Variants in LIMCH1 observed in about 807,000 individuals in gnomAD.
LIMCH1 encodes the protein LIM and calponin homology domains 1.
LIMCH1 carries 113 observed loss-of-function variants against 176.5 expected under a neutral mutation model. The observed-to-expected ratio is 0.64, with a 90% CI of 0.55 to 0.75. The LOEUF (loss-of-function observed/expected upper bound fraction) is 0.75. LIMCH1 is among the 30% of genes least tolerant of loss of function. The pLI, the probability that LIMCH1 is intolerant of heterozygous loss-of-function variation, is 0.00. For missense variants in LIMCH1, 1,674 were observed against 1,814.9 expected (o/e 0.92, Z 1.41); for synonymous variants, 619 against 645.9 (o/e 0.96, Z 0.63).
At chr4:41,463,471 A>G (rs1263528928) in intron 1 of LIMCH1, among the ~76,000 whole-genome samples, 3 of 152,168 alleles carry the variant, frequency 2.0e-5, no homozygotes, top group Non-Finnish European at 1.5e-5. Context: ...TATGACTCCT[A>G]GTCAATTGTG....
At chr4:41,612,579 A>T (rs1339860097) in intron 4 of LIMCH1, 1 of 702,626 alleles carries the variant, frequency 1.4e-6, no homozygotes. Flanking sequence ...ACTGGCGGGA[A>T]CAAGGCTTTT....
chr4:41,666,756 T>C, intron 21 of LIMCH1, 90 bp downstream of exon 21: 1 of 834,090 alleles, frequency 1.2e-6, no homozygotes, highest in Non-Finnish European at 2.0e-6. Context: ...TTACGTCCTT[T>C]ATGTTGCTAT....
intron 1 of LIMCH1, among the ~76,000 whole-genome samples, chr4:41,372,405 T>C (rs1241882849): frequency 1.3e-5 from 2 of 152,204 alleles, no homozygotes; most frequent in Non-Finnish European, 2.9e-5. Context: ...TACAAGGTTT[T>C]TGGCTGGCTG....
At chr4:41,691,303 C>T (rs1196122065) in intron 30 of LIMCH1, among the ~76,000 whole-genome samples, 3 of 152,180 alleles carry the variant, frequency 2.0e-5, no homozygotes, top group Non-Finnish European at 2.9e-5. Context: ...AAGAGGCTGG[C>T]ACCCACACCA....
At chr4:41,439,931 G>A (rs1258878850) in intron 1 of LIMCH1, among the ~76,000 whole-genome samples, 1 of 151,928 alleles carries the variant, frequency 6.6e-6, no homozygotes, top group Non-Finnish European at 1.5e-5. Flanking sequence ...AAAAGGAGGA[G>A]GGCAACATCC....
chr4:41,558,568 T>A (rs1157484378), intron 1 of LIMCH1, among the ~76,000 whole-genome samples: 1 of 152,098 alleles, frequency 6.6e-6, no homozygotes, highest in Non-Finnish European at 1.5e-5. Context: ...CCTTCCCTCA[T>A]CAGAGAAGAG....
chr4:41,556,699 T>C (rs1038695438), intron 1 of LIMCH1, among the ~76,000 whole-genome samples: 6 of 152,132 alleles, frequency 3.9e-5, no homozygotes, highest in Non-Finnish European at 1.5e-5. Flanking sequence ...CCATCTGACT[T>C]TGAATTCCTG....
chr4:41,520,431 C>T (rs544318840), intron 2 of LIMCH1, among the ~76,000 whole-genome samples: 1 of 152,312 alleles, frequency 6.6e-6, no homozygotes, highest in Non-Finnish European at 1.5e-5. Context: ...ACCTCCCTAG[C>T]AGCCTTCAGA....
At chr4:41,398,032 A>C (rs1193697988) in intron 1 of LIMCH1, among the ~76,000 whole-genome samples, 1 of 152,028 alleles carries the variant, frequency 6.6e-6, no homozygotes, top group Non-Finnish European at 1.5e-5. Context: ...AAGAAAGGTA[A>C]ATTATATGAT....
At chr4:41,361,962 T>C (rs2052153642) in intron 1 of LIMCH1, among the ~76,000 whole-genome samples, 1 of 152,096 alleles carries the variant, frequency 6.6e-6, no homozygotes, top group African/African-American at 2.4e-5. Flanking sequence ...GAGGAGGAAG[T>C]GTATCGCTAA....
intron 1 of LIMCH1, among the ~76,000 whole-genome samples, chr4:41,471,240 T>A (rs6842027): frequency 0.49 from 74,974 of 151,638 alleles, 22,047 homozygotes; most frequent in African/African-American, 0.83. Context: ...GTATTAAAAA[T>A]TATCGTGCTA....
chr4:41,637,091 T>C (rs1177213681), intron 13 of LIMCH1, among the ~76,000 whole-genome samples: 1 of 152,238 alleles, frequency 6.6e-6, no homozygotes, highest in African/African-American at 2.4e-5. Flanking sequence ...GAAAACACTG[T>C]GTTTGAATAA....
intron 2 of LIMCH1, among the ~76,000 whole-genome samples, chr4:41,506,754 C>A (rs2074215685): frequency 6.6e-6 from 1 of 152,154 alleles, no homozygotes; most frequent in Non-Finnish European, 1.5e-5. Flanking sequence ...GTAGTTTTTT[C>A]TTTCTTTATA....
At chr4:41,457,352 A>G (rs1032587706) in intron 1 of LIMCH1, among the ~76,000 whole-genome samples, 3 of 152,064 alleles carry the variant, frequency 2.0e-5, no homozygotes, top group Non-Finnish European at 4.4e-5. Context: ...ATGGATTGAT[A>G]TTTTTATATA....
chr4:41,627,614 GTT>G (rs560689994), intron 8 of LIMCH1, among the ~76,000 whole-genome samples: 14 of 152,300 alleles, frequency 9.2e-5, no homozygotes, highest in African/African-American at 3.1e-4. Flanking sequence ...TTTCAAGCCA[GTT>G]TCCTTTTGCC....
At chr4:41,565,372 CACACACACACATACACACACACACAG>C (rs2082596352) in intron 1 of LIMCH1, among the ~76,000 whole-genome samples, 1 of 147,504 alleles carries the variant, frequency 6.8e-6, no homozygotes, top group Non-Finnish European at 1.5e-5. Flanking sequence ...CACACACACA[CACACACACACATACACACACACACAG>C]ACACACACAC....
intron 1 of LIMCH1, among the ~76,000 whole-genome samples, chr4:41,593,100 A>C (rs867401303): frequency 6.6e-6 from 1 of 152,148 alleles, no homozygotes; most frequent in Non-Finnish European, 1.5e-5. Context: ...GGAGTGTGAA[A>C]GGAAAGGGAG....
In LIMCH1 at chr4:41,436,904, A is replaced by G. The variant is rs111471310; in HGVS notation, c.97-57632A>G. On this transcript the variant is annotated intron_variant, in intron 1 of 26. Transcript: ENST00000313860. ...TCCTGTGTGAAAGGTGAATCCTTGA[A>G]TCTGAAAATGAAAGCCATCTCCAAT... 2.3e-3 allele frequency among the ~76,000 whole-genome samples: 348 copies of G among 152,272 alleles called. 2 individuals carry two copies. Among genetic ancestry groups the G allele is most frequent in the African/African-American group, 7.5e-3 (311 of 41,550 alleles).
At chr4:41,429,346 G>A (rs561134831) in intron 1 of LIMCH1, among the ~76,000 whole-genome samples, 1 of 150,844 alleles carries the variant, frequency 6.6e-6, no homozygotes, top group Admixed American at 6.6e-5. Context: ...AAATTCACTT[G>A]CGTTTAGCCA....
Sources: allele counts gnomAD v4.1 joint callset (sites outside exome capture counted in the v4.1 genomes callset), GRCh38; gene constraint gnomAD v4.1.1; transcripts MANE v1.5; gene names NCBI Gene and HGNC (gene_info 2026-07-23, HGNC 2026-07-21).